The following PTPRM variants were observed in gnomAD, a reference collection of about 807,000 sequenced individuals.
PTPRM encodes the protein receptor-type tyrosine-protein phosphatase mu.
A neutral mutation model predicts 186.7 loss-of-function variants in PTPRM; 47 were observed. The observed-to-expected ratio is 0.25, with a 90% CI of 0.20 to 0.32. PTPRM has a LOEUF of 0.32. PTPRM is among the 10% of genes least tolerant of loss of function. PTPRM has a pLI of 1.00. For missense variants in PTPRM, 1,494 were observed against 1,865.0 expected, an observed-to-expected ratio of 0.80 and a Z score of 3.66; for synonymous variants, 668 against 674.9, an observed-to-expected ratio of 0.99 and a Z score of 0.16.
intron 7 of PTPRM, among the ~76,000 whole-genome samples, chr18:8,064,233 C>A (rs1427299900): frequency 1.3e-5 from 2 of 152,088 alleles, no homozygotes; most frequent in African/African-American, 2.4e-5. Flanking sequence ...CTTACCTTTA[C>A]AATTTAAGCG....
chr18:8,209,666 C>A (rs1433448456), intron 14 of PTPRM, among the ~76,000 whole-genome samples: 1 of 151,946 alleles, frequency 6.6e-6, no homozygotes, highest in African/African-American at 2.4e-5. Flanking sequence ...GGGAGATAAT[C>A]AATTTAAAAT....
chr18:7,945,760 A>G (rs2052480206), intron 5 of PTPRM, among the ~76,000 whole-genome samples: 2 of 151,850 alleles, frequency 1.3e-5, no homozygotes, highest in Admixed American at 1.3e-4. Context: ...TTTTAATTTT[A>G]TGCTCTCTTA....
chr18:8,384,143 G>A (rs1257683876), intron 29 of PTPRM, among the ~76,000 whole-genome samples: 1 of 152,182 alleles, frequency 6.6e-6, no homozygotes, highest in Non-Finnish European at 1.5e-5. Flanking sequence ...AACAAAGGGA[G>A]TCAGTGAAAT....
chr18:8,027,854 T>C (rs372911100), intron 7 of PTPRM, among the ~76,000 whole-genome samples: 3 of 152,346 alleles, frequency 2.0e-5, no homozygotes, highest in East Asian at 3.9e-4. Context: ...GGTCACTTTT[T>C]ATCTGTTAGC....
intron 1 of PTPRM, among the ~76,000 whole-genome samples, chr18:7,586,098 A>G (rs1306182329): frequency 6.6e-6 from 1 of 152,222 alleles, no homozygotes; most frequent in African/African-American, 2.4e-5. Context: ...GGCCAAGATC[A>G]GGCAAATTGT....
chr18:7,788,191 G>T (rs2043178604), intron 2 of PTPRM, among the ~76,000 whole-genome samples: 1 of 152,076 alleles, frequency 6.6e-6, no homozygotes, highest in Non-Finnish European at 1.5e-5. Flanking sequence ...GAGTGTTAGG[G>T]TTTTCTTTTT....
intron 14 of PTPRM, among the ~76,000 whole-genome samples, chr18:8,168,776 G>T (rs1242019700): frequency 6.6e-6 from 1 of 152,170 alleles, no homozygotes; most frequent in Admixed American, 6.5e-5. Flanking sequence ...ACTATAAATT[G>T]TATGGAGCAG....
intron 2 of PTPRM, among the ~76,000 whole-genome samples, chr18:7,862,236 G>T (rs951632904): frequency 6.6e-6 from 1 of 152,114 alleles, no homozygotes. Flanking sequence ...TTATTTATCA[G>T]TGCCCTAATA....
rs141319067 is a variant in PTPRM, at chr18:8,088,744, C to T, written c.1754-5C>T. 6.2e-7 allele frequency: 1 copy of T among 1,603,824 alleles called. No homozygotes were observed. Among genetic ancestry groups the T allele is most frequent in the Admixed American group, 1.7e-5 (1 of 59,842 alleles). ...GAGTCTCCCATTCTACGCCTTTTTCCCCAGCACCCTCTATGCCAGCTTATG... is the reference window on the plus strand; with the variant it reads ...GAGTCTCCCATTCTACGCCTTTTTCTCCAGCACCCTCTATGCCAGCTTATG... On this transcript the variant is annotated splice_region_variant and splice_polypyrimidine_tract_variant and intron_variant, in intron 10 of 32. Coordinates refer to ENST00000580170, the MANE Select transcript of PTPRM (RefSeq NM_001105244.2).
intron 2 of PTPRM, among the ~76,000 whole-genome samples, chr18:7,801,325 T>C (rs1345166829): frequency 6.6e-6 from 1 of 152,184 alleles, no homozygotes; most frequent in Non-Finnish European, 1.5e-5. Context: ...TTTTTAAACA[T>C]TTTTGTTAAA....
At chr18:7,700,631 A>G (rs2039939483) in intron 1 of PTPRM, among the ~76,000 whole-genome samples, 1 of 152,168 alleles carries the variant, frequency 6.6e-6, no homozygotes, top group Admixed American at 6.5e-5. Context: ...GGCAACCACA[A>G]AATTATTCTT....
chr18:8,232,412 C>T (rs948273777), intron 14 of PTPRM, among the ~76,000 whole-genome samples: 3 of 152,222 alleles, frequency 2.0e-5, no homozygotes, highest in African/African-American at 7.2e-5. Flanking sequence ...ATATGAACAT[C>T]TCTATGGAGG....
At chr18:7,839,162 C>T (rs2046204088) in intron 2 of PTPRM, among the ~76,000 whole-genome samples, 1 of 152,158 alleles carries the variant, frequency 6.6e-6, no homozygotes, top group Non-Finnish European at 1.5e-5. Context: ...CCCAAATGCC[C>T]ACTTGGTGCT....
chr18:8,016,561 G>T (rs73385605), intron 7 of PTPRM, among the ~76,000 whole-genome samples: 6 of 149,358 alleles, frequency 4.0e-5, no homozygotes, highest in Non-Finnish European at 8.9e-5. Flanking sequence ...AAAAAGAAAA[G>T]AAAACACAAG....
At chr18:7,621,942 T>G (rs115465281) in intron 1 of PTPRM, among the ~76,000 whole-genome samples, 2,458 of 152,310 alleles carry the variant, frequency 0.016, 63 homozygotes, top group African/African-American at 0.056. Context: ...GTACAGGTTT[T>G]TGTGTGGACA....
intron 19 of PTPRM, among the ~76,000 whole-genome samples, chr18:8,293,626 A>G (rs1229947531): frequency 1.3e-5 from 2 of 152,242 alleles, no homozygotes; most frequent in Non-Finnish European, 2.9e-5. Flanking sequence ...GTGGAATTAA[A>G]TTTTTGGAAG....
At chr18:7,884,089 A>G (rs2146308484) in intron 2 of PTPRM, among the ~76,000 whole-genome samples, 1 of 152,172 alleles carries the variant, frequency 6.6e-6, no homozygotes, top group East Asian at 1.9e-4. Flanking sequence ...CGAGGCTGCT[A>G]TGAGCCGTGA....
chr18:8,025,204 A>G (rs2085494709), intron 7 of PTPRM, among the ~76,000 whole-genome samples: 1 of 152,194 alleles, frequency 6.6e-6, no homozygotes, highest in Non-Finnish European at 1.5e-5. Flanking sequence ...AAGTTGCTTA[A>G]TAGAGCATCC....
intron 10 of PTPRM, among the ~76,000 whole-genome samples, chr18:8,086,612 G>A (rs1481839390): frequency 6.6e-6 from 1 of 152,122 alleles, no homozygotes; most frequent in East Asian, 1.9e-4. Context: ...GAGCAGGTGG[G>A]GTGGAAGTAG....
Sources: allele counts gnomAD v4.1 joint callset (sites outside exome capture counted in the v4.1 genomes callset), GRCh38; gene constraint gnomAD v4.1.1; transcripts MANE v1.5; gene names NCBI Gene and HGNC (gene_info 2026-07-23, HGNC 2026-07-21).